PTPRE: variants seen among roughly 807,000 people sequenced by gnomAD.
PTPRE encodes receptor-type tyrosine-protein phosphatase epsilon.
In PTPRE, 51 loss-of-function variants were observed where a neutral mutation model predicts 102.0. That is an observed-to-expected ratio of 0.50 (90% CI 0.40 to 0.63). The LOEUF (loss-of-function observed/expected upper bound fraction) is 0.63. PTPRE is among the 30% of genes least tolerant of loss of function. The probability of loss-of-function intolerance (pLI) is 0.00; values close to 1 mark genes in which losing one functional copy is unlikely to be tolerated. For missense variants in PTPRE, 752 were observed against 915.1 expected (o/e 0.82, Z 2.30); for synonymous variants, 345 against 348.2 (o/e 0.99, Z 0.10).
At chr10:128,039,817 C>T (rs1847525836) in intron 2 of PTPRE, among the ~76,000 whole-genome samples, 1 of 152,194 alleles carries the variant, frequency 6.6e-6, no homozygotes. Context: ...CACTGCATGT[C>T]TGCATTGTCA....
intron 2 of PTPRE, among the ~76,000 whole-genome samples, chr10:128,003,501 C>T (rs1854187344): frequency 6.6e-6 from 1 of 151,828 alleles, no homozygotes; most frequent in Non-Finnish European, 1.5e-5. Flanking sequence ...TACTGTTTAA[C>T]AAAAAGGAAA....
Position 128,070,167 on chromosome 10 carries a change from C to T in PTPRE, c.1144-134C>T, listed in dbSNP as rs1243878333. On this transcript the variant is annotated intron_variant, in intron 13 of 20. Coordinates refer to ENST00000254667, the MANE Select transcript of PTPRE (RefSeq NM_006504.6). The surrounding 1 kb of genome is among the most constrained non-coding windows in gnomAD (Gnocchi z 4.8). ...TCGTTATCCGTGGCCGGTACTCTGA[C>T]TCTTGCCTCACACCTCCTTGTGTTG... 1.4e-5 allele frequency: 15 copies of T among 1,086,902 alleles called. No individual in the cohort carries two copies. The highest frequency in any genetic ancestry group is 2.0e-5 in the Non-Finnish European group (15 of 764,310). The allele number at this position is 1,086,902 out of a possible 1,614,324, so 67.3% of individuals were successfully genotyped here.
intron 1 of PTPRE, among the ~76,000 whole-genome samples, chr10:127,914,460 C>T (rs1846072729): frequency 6.6e-6 from 1 of 152,216 alleles, no homozygotes; most frequent in Non-Finnish European, 1.5e-5. Context: ...ACCCCATCCA[C>T]TTGTTATAAA....
intron 1 of PTPRE, among the ~76,000 whole-genome samples, chr10:127,948,943 G>A (rs947905198): frequency 3.3e-5 from 5 of 152,198 alleles, no homozygotes; most frequent in Admixed American, 1.3e-4. Context: ...ACCCAGACAC[G>A]ACAAAAACAG....
chr10:128,070,673 C>T lies in PTPRE; in HGVS notation c.1294-135C>T. On this transcript the variant is annotated intron_variant, in intron 14 of 20. Coordinates refer to ENST00000254667, the MANE Select transcript of PTPRE (RefSeq NM_006504.6). The surrounding 1 kb of genome is among the most constrained non-coding windows in gnomAD (Gnocchi z 4.8). ...AGGCACACATTTGTATTTCCCAATGCTAAGGAGGCTTCCTGGGTTGGAGAG... is the reference window on the plus strand; with the variant it reads ...AGGCACACATTTGTATTTCCCAATGTTAAGGAGGCTTCCTGGGTTGGAGAG... The T allele has an allele frequency of 1.7e-6, 2 of 1,164,300 alleles. No homozygotes were observed. Among genetic ancestry groups the T allele is most frequent in the Non-Finnish European group, 2.4e-6 (2 of 825,214 alleles). The allele number at this position is 1,164,300 out of a possible 1,614,324, so 72.1% of individuals were successfully genotyped here. A position where few individuals can be genotyped will look rare whatever the true frequency, so the allele number is the denominator to read the frequency against.
chr10:127,991,879 C>T (rs1237305669), intron 2 of PTPRE, among the ~76,000 whole-genome samples: 1 of 152,194 alleles, frequency 6.6e-6, no homozygotes, highest in African/African-American at 2.4e-5. Context: ...TCTTGGGCCC[C>T]ACCCCTTACC....
intron 2 of PTPRE, among the ~76,000 whole-genome samples, chr10:128,018,826 C>G (rs1845635424): frequency 6.6e-6 from 1 of 152,174 alleles, no homozygotes; most frequent in Non-Finnish European, 1.5e-5. Flanking sequence ...CCAAGCCACT[C>G]CAGTCCCCAT....
intron 1 of PTPRE, among the ~76,000 whole-genome samples, chr10:127,976,172 T>A (rs1851161381): frequency 6.6e-6 from 1 of 152,176 alleles, no homozygotes. Flanking sequence ...TGACTGTCAG[T>A]ATCTGAGAAG....
At chr10:127,946,852 C>T (rs985941431) in intron 1 of PTPRE, among the ~76,000 whole-genome samples, 4 of 152,054 alleles carry the variant, frequency 2.6e-5, no homozygotes, top group Non-Finnish European at 5.9e-5. Context: ...TGGGCAACAT[C>T]GTGAGACCCT....
intron 2 of PTPRE, among the ~76,000 whole-genome samples, chr10:128,037,719 AT>A (rs1847330751): frequency 6.6e-6 from 1 of 152,236 alleles, no homozygotes; most frequent in Non-Finnish European, 1.5e-5. Context: ...AGTTCTAGAA[AT>A]CACATGCAAT....
At chr10:128,076,761 A>C in intron 18 of PTPRE, 33 bp downstream of exon 18, 6 of 1,608,966 alleles carry the variant, frequency 3.7e-6, no homozygotes, top group Non-Finnish European at 4.2e-6. Context: ...AACGCTTGTG[A>C]ATTTAGTGAA....
intron 1 of PTPRE, among the ~76,000 whole-genome samples, chr10:127,913,262 TCTC>T (rs751112676): frequency 2.0e-5 from 3 of 152,186 alleles, no homozygotes; most frequent in Non-Finnish European, 4.4e-5. Flanking sequence ...AGCCCTGACT[TCTC>T]CTCTGCCACA....
At chr10:128,026,650 T>A (rs1190690057) in intron 2 of PTPRE, among the ~76,000 whole-genome samples, 1 of 152,224 alleles carries the variant, frequency 6.6e-6, no homozygotes, top group East Asian at 1.9e-4. Flanking sequence ...CTTTTAGTAG[T>A]GTTTCAGTGA....
intron 1 of PTPRE, among the ~76,000 whole-genome samples, chr10:127,958,480 G>A (rs1849559607): frequency 6.6e-6 from 1 of 152,102 alleles, no homozygotes; most frequent in Non-Finnish European, 1.5e-5. Context: ...TTAGCCTGTT[G>A]ATGTGATGGA....
intron 2 of PTPRE, among the ~76,000 whole-genome samples, chr10:128,016,725 C>T (rs1411031048): frequency 4.6e-5 from 7 of 152,188 alleles, no homozygotes; most frequent in Admixed American, 3.9e-4. Flanking sequence ...TCACTGCCCA[C>T]CCAGTGGCCC....
At chr10:127,967,448 T>C (rs1850344770) in intron 1 of PTPRE, among the ~76,000 whole-genome samples, 1 of 152,064 alleles carries the variant, frequency 6.6e-6, no homozygotes, top group Non-Finnish European at 1.5e-5. Context: ...GATCTGATGG[T>C]TTTATAAAGG....
chr10:127,955,355 G>C (rs1849329481), intron 1 of PTPRE, among the ~76,000 whole-genome samples: 1 of 152,112 alleles, frequency 6.6e-6, no homozygotes, highest in South Asian at 2.1e-4. Flanking sequence ...CATGACCAGT[G>C]AGGTGCTTAT....
chr10:127,966,867 A>G (rs72845895), intron 1 of PTPRE, among the ~76,000 whole-genome samples: 4,751 of 152,316 alleles, frequency 0.031, 99 homozygotes, highest in Non-Finnish European at 0.044. Context: ...GGTCATCCAT[A>G]TGACCAACAC....
chr10:127,952,108 G>A (rs1433569049), intron 1 of PTPRE, among the ~76,000 whole-genome samples: 1 of 152,184 alleles, frequency 6.6e-6, no homozygotes, highest in Admixed American at 6.5e-5. Context: ...GGGTATATCA[G>A]TTCTCTAGCC....
Sources: gnomAD v4.1 joint callset for allele counts (sites outside exome capture counted in the v4.1 genomes callset) on GRCh38, gnomAD v4.1.1 for gene constraint, Gnocchi (gnomAD v3.1) non-coding constraint, MANE v1.5 for transcripts, NCBI Gene and HGNC (gene_info 2026-07-23, HGNC 2026-07-21) for gene names.